The following ADCY5 variants were observed in gnomAD, a reference collection of about 807,000 sequenced individuals.
ADCY5 encodes the protein adenylate cyclase 5, also known as adenylate cyclase type 5.
ADCY5 carries 30 observed loss-of-function variants against 119.7 expected under a neutral mutation model. The observed-to-expected ratio is 0.25, with a 90% CI of 0.19 to 0.34. The LOEUF (loss-of-function observed/expected upper bound fraction) is 0.34. Ranked by LOEUF, ADCY5 falls within the 10% of genes least tolerant of loss-of-function variation. The probability of loss-of-function intolerance (pLI) is 1.00; values close to 1 mark genes in which losing one functional copy is unlikely to be tolerated. For missense variants in ADCY5, 1,324 were observed against 1,775.2 expected, an observed-to-expected ratio of 0.75 and a Z score of 4.57; for synonymous variants, 753 against 762.2, an observed-to-expected ratio of 0.99 and a Z score of 0.20.
At chr3:123,316,555 G>A (rs1576562254) in intron 11 of ADCY5, among the ~76,000 whole-genome samples, 1 of 152,212 alleles carries the variant, frequency 6.6e-6, no homozygotes, top group Non-Finnish European at 1.5e-5. Context: ...GGCTACTTTT[G>A]TAACTGCTCA....
chr3:123,387,831 G>C (rs543408709), intron 1 of ADCY5, among the ~76,000 whole-genome samples: 1 of 152,364 alleles, frequency 6.6e-6, no homozygotes, highest in South Asian at 2.1e-4. Context: ...TCTAGGAGGA[G>C]ACAGATAAAA....
chr3:123,301,158 G>A (rs995281375), intron 14 of ADCY5, among the ~76,000 whole-genome samples: 7 of 151,950 alleles, frequency 4.6e-5, no homozygotes, highest in East Asian at 1.9e-4. Flanking sequence ...CCCTAGGCAC[G>A]TCAGCATCAA....
At chr3:123,369,391 C>G (rs564696502) in intron 1 of ADCY5, among the ~76,000 whole-genome samples, 47 of 152,292 alleles carry the variant, frequency 3.1e-4, no homozygotes, top group African/African-American at 6.5e-4. Flanking sequence ...CAATCCTTAC[C>G]TGCAGGAATG....
Position 123,296,941 on chromosome 3 carries a change from C to CA in ADCY5, c.2930+411dup. ...CGCCCCTTGCCCAGGCAGCAGCCCT[C>CA]AATGCAGGGACGGGTCCCACAAGCA... On this transcript the variant is annotated intron_variant, in intron 16 of 20. Transcript: ENST00000462833. 2.6e-6 allele frequency: 4 copies of CA among 1,515,546 alleles called. No individual in the cohort carries two copies. The South Asian group carries it at 4.9e-5, about 18-fold the overall frequency. 93.9% of individuals were successfully genotyped at this position (1,515,546 alleles called of 1,614,324 possible).
At chr3:123,347,657 G>T (rs1942621498) in intron 3 of ADCY5, 125 bp downstream of exon 3, 18 of 1,277,460 alleles carry the variant, frequency 1.4e-5, no homozygotes, top group Non-Finnish European at 1.9e-5. Context: ...GCATGCTCTA[G>T]ATGACACACT....
intron 1 of ADCY5, among the ~76,000 whole-genome samples, chr3:123,422,601 A>G (rs900970787): frequency 6.6e-6 from 1 of 152,204 alleles, no homozygotes; most frequent in Non-Finnish European, 1.5e-5. Context: ...CTGAGTCACA[A>G]CTGCAGGGCA....
At chr3:123,440,435 G>A (rs1945703472) in intron 1 of ADCY5, among the ~76,000 whole-genome samples, 1 of 151,936 alleles carries the variant, frequency 6.6e-6, no homozygotes, top group Admixed American at 6.6e-5. Flanking sequence ...AGCCTCTACT[G>A]TCTCCTTGTG....
intron 3 of ADCY5, among the ~76,000 whole-genome samples, chr3:123,342,007 C>CTCAG (rs1347052662): frequency 6.6e-6 from 1 of 152,150 alleles, no homozygotes; most frequent in African/African-American, 2.4e-5. Context: ...TCGCTGTAAC[C>CTCAG]TCAGGCTCCT....
In ADCY5 at chr3:123,289,873, C is replaced by T. The variant is rs372969062; in HGVS notation, c.3409G>A (p.Asp1137Asn). The T allele has an allele frequency of 1.2e-5, 20 of 1,614,100 alleles. No homozygotes were observed. Among genetic ancestry groups the T allele is most frequent in the South Asian group, 2.2e-5 (2 of 91,080 alleles). ...STYMAASGLN[D>N]STYDKVGKTH... ...TTGCCCACCTTGTCGTAGGTAGAGT[C>T]GTTGAGGCCGGAGGCAGCCATGTAG... Residue 1137 changes from aspartate (D) to asparagine (N), a missense_variant, in exon 19 of 21, where the codon GAC becomes AAC. Asp to Asn is a conservative substitution (Grantham distance 23). Coordinates refer to ENST00000462833, the MANE Select transcript of ADCY5 (RefSeq NM_183357.3).
At chr3:123,307,070 G>A (rs936222692) in intron 12 of ADCY5, among the ~76,000 whole-genome samples, 3 of 152,044 alleles carry the variant, frequency 2.0e-5, no homozygotes, top group Admixed American at 2.0e-4. Flanking sequence ...GTGGTTGCTG[G>A]GGGCTGTGGT....
intron 1 of ADCY5, among the ~76,000 whole-genome samples, chr3:123,363,653 A>G (rs1943335249): frequency 6.6e-6 from 1 of 152,240 alleles, no homozygotes; most frequent in African/African-American, 2.4e-5. Context: ...TCACACCTGT[A>G]ATCCCATCAC....
intron 19 of ADCY5, among the ~76,000 whole-genome samples, chr3:123,287,950 A>G (rs1265047771): frequency 6.6e-6 from 1 of 152,222 alleles, no homozygotes; most frequent in African/African-American, 2.4e-5. Context: ...ACACTGGGAG[A>G]AAAATGCAAA....
At chr3:123,406,167 T>C (rs1316401645) in intron 1 of ADCY5, among the ~76,000 whole-genome samples, 1 of 152,142 alleles carries the variant, frequency 6.6e-6, no homozygotes. Context: ...CAGGGTCAGG[T>C]ACTGAACAAC....
At chr3:123,375,043 C>T (rs899163125) in intron 1 of ADCY5, among the ~76,000 whole-genome samples, 4 of 152,320 alleles carry the variant, frequency 2.6e-5, no homozygotes, top group African/African-American at 9.6e-5. Context: ...AATTACCCTC[C>T]AGAGGAATTA....
intron 1 of ADCY5, among the ~76,000 whole-genome samples, chr3:123,403,380 C>CAAA (rs35626615): frequency 3.8e-4 from 26 of 68,468 alleles, no homozygotes; most frequent in African/African-American, 8.8e-4. Flanking sequence ...GACCCTGTCT[C>CAAA]AAAAAAAAAA....
At chr3:123,308,835 A>AAACAAAC (rs1265342958) in intron 12 of ADCY5, among the ~76,000 whole-genome samples, 1,764 of 152,108 alleles carry the variant, frequency 0.012, 37 homozygotes, top group African/African-American at 0.041. Flanking sequence ...TCTCAAAAAC[A>AAACAAAC]AACAAACAAA....
intron 1 of ADCY5, among the ~76,000 whole-genome samples, chr3:123,395,119 C>T (rs1386281227): frequency 2.0e-5 from 3 of 152,178 alleles, no homozygotes; most frequent in Non-Finnish European, 4.4e-5. Flanking sequence ...TAGACCTCTC[C>T]CCACTCAGAG....
At chr3:123,331,325 A>C (rs916210361) in intron 4 of ADCY5, among the ~76,000 whole-genome samples, 8 of 152,238 alleles carry the variant, frequency 5.3e-5, no homozygotes, top group Non-Finnish European at 1.2e-4. Context: ...GTCGAACTGC[A>C]GCTCAGCCAG....
chr3:123,405,815 A>G (rs1944883676), intron 1 of ADCY5, among the ~76,000 whole-genome samples: 1 of 152,084 alleles, frequency 6.6e-6, no homozygotes, highest in South Asian at 2.1e-4. Context: ...TTGTATCTTT[A>G]GTAGAGATGG....
Sources: allele counts gnomAD v4.1 joint callset (sites outside exome capture counted in the v4.1 genomes callset), GRCh38; gene constraint gnomAD v4.1.1; transcripts MANE v1.5; gene names NCBI Gene and HGNC (gene_info 2026-07-23, HGNC 2026-07-21).